The following XPO4 variants were observed in gnomAD, a reference collection of about 807,000 sequenced individuals.
XPO4 encodes the protein exportin-4.
In XPO4, 39 loss-of-function variants were observed where a neutral mutation model predicts 143.0. The ratio of observed to expected loss-of-function variants is 0.27; its 90% CI spans 0.21 to 0.36. The LOEUF (loss-of-function observed/expected upper bound fraction) is 0.36. XPO4 is among the 10% of genes least tolerant of loss of function. The pLI is 1.00. For missense variants in XPO4, 907 were observed against 1,348.0 expected (o/e 0.67, Z 5.12); for synonymous variants, 439 against 474.0 (o/e 0.93, Z 0.96).
At chr13:20,802,694 C>T (rs968258525) in intron 13 of XPO4, among the ~76,000 whole-genome samples, 5 of 152,068 alleles carry the variant, frequency 3.3e-5, no homozygotes, top group Non-Finnish European at 7.4e-5. Flanking sequence ...ATTTCATTTT[C>T]CCATAGAACA....
At chr13:20,876,093 C>CAAAAAAAAAAAA (rs11301411) in intron 1 of XPO4, among the ~76,000 whole-genome samples, 1 of 90,740 alleles carries the variant, frequency 1.1e-5, no homozygotes, top group Non-Finnish European at 2.2e-5. Flanking sequence ...CTACTAAATA[C>CAAAAAAAAAAAA]AAAAAAAAAA....
At chr13:20,821,961 T>G in intron 8 of XPO4, 83 bp from the exon 9 acceptor site, 1 of 1,411,664 alleles carries the variant, frequency 7.1e-7, no homozygotes, top group Non-Finnish European at 9.5e-7. Flanking sequence ...CAAGCAAATA[T>G]CGTTACTGAT....
At chr13:20,888,963 C>T (rs1310364897) in intron 1 of XPO4, among the ~76,000 whole-genome samples, 14 of 151,942 alleles carry the variant, frequency 9.2e-5, no homozygotes, top group Admixed American at 9.2e-4. Context: ...CCACCATGCC[C>T]AGTTCCCAGT....
At chr13:20,787,460 C>T (rs902876294) in intron 21 of XPO4, 21 bp downstream of exon 21, 2 of 1,602,768 alleles carry the variant, frequency 1.2e-6, no homozygotes, top group African/African-American at 2.7e-5. Context: ...GATTTTCTGA[C>T]CTACCGCACA....
intron 9 of XPO4, among the ~76,000 whole-genome samples, chr13:20,819,577 T>C (rs956825114): frequency 6.6e-6 from 1 of 152,142 alleles, no homozygotes; most frequent in African/African-American, 2.4e-5. Flanking sequence ...GAAGAATCGC[T>C]TGAACCTGTG....
intron 3 of XPO4, 30 bp downstream of exon 3, chr13:20,862,687 T>G (rs1382705229): frequency 6.2e-7 from 1 of 1,612,870 alleles, no homozygotes. Context: ...TCAGCAAAAG[T>G]ATTTCAGCAG....
intron 1 of XPO4, among the ~76,000 whole-genome samples, chr13:20,884,903 A>G (rs546745049): frequency 1.5e-4 from 23 of 152,270 alleles, no homozygotes; most frequent in African/African-American, 5.3e-4. Context: ...AGACAATTAA[A>G]ACTCTGGACA....
Position 20,783,144 on chromosome 13 carries a change from G to C in XPO4, c.*578C>G, listed in dbSNP as rs1219134957. 6.6e-6 allele frequency: 1 copy of C among 152,424 alleles called. No individual in the cohort carries two copies. Among genetic ancestry groups the C allele is most frequent in the Non-Finnish European group, 1.5e-5 (1 of 68,226 alleles). The allele number at this position is 152,424 out of a possible 1,614,324, so 9.4% of individuals were successfully genotyped here. ...CTAGAAAGCACAAAACCTCTTAAGA[G>C]TTTTCAATGTCTCTTTCATTGATTC... On this transcript the variant is annotated 3_prime_UTR_variant, in exon 23 of 23. Transcript: ENST00000255305.
At chr13:20,853,012 C>A in intron 4 of XPO4, 1 of 985,236 alleles carries the variant, frequency 1.0e-6, no homozygotes, top group Non-Finnish European at 1.2e-6. Flanking sequence ...TATCTACTAC[C>A]ACAATTTATA....
At chr13:20,889,101 C>G (rs1303955059) in intron 1 of XPO4, among the ~76,000 whole-genome samples, 1 of 152,136 alleles carries the variant, frequency 6.6e-6, no homozygotes, top group Non-Finnish European at 1.5e-5. Flanking sequence ...GCGTGAGCCA[C>G]TGCACCCGGC....
chr13:20,800,178 T>G lies in XPO4; in HGVS notation c.2125A>C (p.Thr709Pro). Residue 709 changes from threonine (T) to proline (P), a missense_variant, in exon 15 of 23, where the codon ACT (threonine) becomes CCT (proline). Physicochemically the swap from Thr to Pro is conservative, Grantham distance 38. Transcript: ENST00000255305. The part of the protein sequence containing the change: ...LANDTVQLLV[T>P]LVERRERANL... ...AACCTTTCTCTTCTTTCCACCAAAGTGACAAGGAGCTGCACAGTGTCATTT... is the reference window on the plus strand; with the variant it reads ...AACCTTTCTCTTCTTTCCACCAAAGGGACAAGGAGCTGCACAGTGTCATTT... 6.2e-7 allele frequency: 1 copy of G among 1,614,062 alleles called. No homozygotes were observed. Among genetic ancestry groups the G allele is most frequent in the Non-Finnish European group, 8.5e-7 (1 of 1,179,998 alleles).
At chr13:20,870,645 G>T (rs565078483) in intron 1 of XPO4, among the ~76,000 whole-genome samples, 1 of 151,106 alleles carries the variant, frequency 6.6e-6, no homozygotes, top group African/African-American at 2.4e-5. Context: ...CAAGAAAATC[G>T]CTTGAACGCA....
intron 1 of XPO4, among the ~76,000 whole-genome samples, chr13:20,886,871 C>G (rs1362844663): frequency 6.6e-6 from 1 of 151,840 alleles, no homozygotes; most frequent in African/African-American, 2.4e-5. Flanking sequence ...GTCAGGAGTT[C>G]GAGACCAGCC....
intron 1 of XPO4, among the ~76,000 whole-genome samples, chr13:20,886,124 C>T (rs544687623): frequency 1.4e-4 from 22 of 152,260 alleles, no homozygotes; most frequent in African/African-American, 4.8e-4. Context: ...ATATCACATT[C>T]TTTTCAAACA....
intron 19 of XPO4, 122 bp from the exon 20 acceptor site, chr13:20,788,738 AAGATAT>A: frequency 2.0e-6 from 2 of 1,000,416 alleles, no homozygotes; most frequent in East Asian, 5.8e-5. Flanking sequence ...AAACATGTAC[AAGATAT>A]AGAAAACATG....
intron 1 of XPO4, among the ~76,000 whole-genome samples, chr13:20,872,283 C>T (rs1476958595): frequency 6.6e-6 from 1 of 152,196 alleles, no homozygotes; most frequent in Non-Finnish European, 1.5e-5. Flanking sequence ...CATCAACCTT[C>T]ACTCACCTTT....
intron 9 of XPO4, among the ~76,000 whole-genome samples, chr13:20,811,981 G>A (rs187196931): frequency 2.4e-3 from 359 of 152,210 alleles, no homozygotes; most frequent in African/African-American, 7.6e-3. Context: ...GATCACGGCC[G>A]GAAATACAAA....
rs756747367 is a variant in XPO4 at position 20,843,085 on chromosome 13, A to C, written c.574-37T>G. The C allele has an allele frequency of 1.2e-5, 18 of 1,535,990 alleles. No homozygotes were observed. The South Asian group carries it at 2.1e-4, about 18-fold the overall frequency. On this transcript the variant is annotated intron_variant, in intron 5 of 22. Transcript: ENST00000255305. ...AAATCACAAATATTTTATATGAAAA[A>C]TTTATTCAAAATGTATCCCCTTTTA...
In XPO4 at chr13:20,809,889, T is replaced by C; in HGVS notation, c.1252A>G (p.Lys418Glu). 1 of 1,613,988 alleles carries C rather than the reference T, an allele frequency of 6.2e-7. No homozygotes were observed. The highest frequency in any genetic ancestry group is 1.1e-5 in the South Asian group (1 of 91,064). ...GTAAAAAAGCCTTTATGGAAATGTT[T>C]GTCATCTTGAACCAAAGTTAACCAG... ...ESWLTLVQDD[K>E]HFHKGFFTQH... The change falls in exon 10 of 23, where the codon AAA becomes GAA. Residue 418 changes from lysine (K) to glutamate (E), a missense_variant. Coordinates refer to ENST00000255305, the MANE Select transcript of XPO4 (RefSeq NM_022459.5).
Sources: gnomAD v4.1 joint callset for allele counts (sites outside exome capture counted in the v4.1 genomes callset) on GRCh38, gnomAD v4.1.1 for gene constraint, MANE v1.5 for transcripts, NCBI Gene and HGNC (gene_info 2026-07-23, HGNC 2026-07-21) for gene names.